CA10: variants seen among roughly 807,000 people sequenced by gnomAD.
CA10 encodes the protein carbonic anhydrase 10 (inactive).
A neutral mutation model predicts 44.2 loss-of-function variants in CA10; 14 were observed. The observed-to-expected ratio is 0.32, with a 90% CI of 0.21 to 0.50. CA10 has a LOEUF of 0.50. Ranked by LOEUF, CA10 falls within the 20% of genes least tolerant of loss-of-function variation. The pLI is 0.99. For synonymous variants in CA10, 159 were observed against 141.6 expected (o/e 1.12, Z -0.87); for missense variants, 350 against 409.7 (o/e 0.85, Z 1.26).
chr17:51,782,657 A>C (rs1906108779), intron 3 of CA10, among the ~76,000 whole-genome samples: 1 of 152,214 alleles, frequency 6.6e-6, no homozygotes, highest in South Asian at 2.1e-4. Context: ...CTTGACCAAG[A>C]GGGATGCTGT....
At chr17:52,018,018 T>C (rs1220036671) in intron 2 of CA10, among the ~76,000 whole-genome samples, 3 of 152,126 alleles carry the variant, frequency 2.0e-5, no homozygotes, top group Non-Finnish European at 4.4e-5. Context: ...TTCCACATAG[T>C]GCAAAGCCTT....
At chr17:51,801,537 T>C (rs1331972267) in intron 3 of CA10, among the ~76,000 whole-genome samples, 1 of 152,062 alleles carries the variant, frequency 6.6e-6, no homozygotes, top group South Asian at 2.1e-4. Context: ...TACGTGAATC[T>C]TATATGGGCT....
At chr17:51,772,163 G>A (rs903072897) in intron 3 of CA10, among the ~76,000 whole-genome samples, 14 of 152,188 alleles carry the variant, frequency 9.2e-5, no homozygotes, top group African/African-American at 3.4e-4. Flanking sequence ...AGTGGCTACT[G>A]TTTTGTTGTG....
intron 3 of CA10, among the ~76,000 whole-genome samples, chr17:51,863,324 T>G (rs1397254326): frequency 1.3e-5 from 2 of 152,204 alleles, no homozygotes; most frequent in Non-Finnish European, 2.9e-5. Flanking sequence ...TAATTAGTAG[T>G]TATGCTTAAA....
chr17:51,722,619 C>T (rs185989922), intron 4 of CA10, among the ~76,000 whole-genome samples: 1 of 152,328 alleles, frequency 6.6e-6, no homozygotes, highest in East Asian at 1.9e-4. Context: ...AACAGTGTGC[C>T]ATGGACTTTC....
intron 1 of CA10, among the ~76,000 whole-genome samples, chr17:52,084,414 T>C (rs1413212949): frequency 6.6e-6 from 1 of 151,466 alleles, no homozygotes; most frequent in Non-Finnish European, 1.5e-5. Flanking sequence ...CACATACTTA[T>C]AAGTGGTAGA....
intron 4 of CA10, among the ~76,000 whole-genome samples, chr17:51,725,490 A>C (rs1360874991): frequency 6.6e-6 from 1 of 152,172 alleles, no homozygotes; most frequent in African/African-American, 2.4e-5. Context: ...CTTTCCCAGT[A>C]ACCCTCTCTG....
At chr17:51,837,265 G>A (rs914292825) in intron 3 of CA10, among the ~76,000 whole-genome samples, 6 of 152,184 alleles carry the variant, frequency 3.9e-5, no homozygotes, top group African/African-American at 9.6e-5. Flanking sequence ...TTGCAAGTCC[G>A]GTGTCCAGAA....
At chr17:52,065,421 T>C (rs999675620) in intron 2 of CA10, among the ~76,000 whole-genome samples, 4 of 152,196 alleles carry the variant, frequency 2.6e-5, no homozygotes, top group Non-Finnish European at 4.4e-5. Context: ...AATATTGCTG[T>C]CTATTCTGAC....
chr17:51,979,634 G>A (rs897965658), intron 2 of CA10, among the ~76,000 whole-genome samples: 1 of 152,062 alleles, frequency 6.6e-6, no homozygotes, highest in East Asian at 1.9e-4. Flanking sequence ...TCTCACGAAC[G>A]TCTCAATAAA....
chr17:51,978,629 T>C (rs933569076), intron 2 of CA10, among the ~76,000 whole-genome samples: 2 of 152,030 alleles, frequency 1.3e-5, no homozygotes, highest in Admixed American at 1.3e-4. Context: ...AGGTAGGCAA[T>C]AATATCTGAG....
At chr17:51,847,001 T>C (rs570540628) in intron 3 of CA10, among the ~76,000 whole-genome samples, 2 of 152,314 alleles carry the variant, frequency 1.3e-5, no homozygotes, top group South Asian at 4.1e-4. Context: ...CAGATCAGTA[T>C]GATGTGGAAT....
intron 4 of CA10, among the ~76,000 whole-genome samples, chr17:51,731,829 C>G (rs1400619211): frequency 6.6e-6 from 1 of 152,010 alleles, no homozygotes; most frequent in Non-Finnish European, 1.5e-5. Flanking sequence ...AGACACCCAC[C>G]ACCACACCGG....
At chr17:51,751,576 A>T (rs1413606251) in intron 3 of CA10, among the ~76,000 whole-genome samples, 1 of 152,110 alleles carries the variant, frequency 6.6e-6, no homozygotes, top group Admixed American at 6.5e-5. Context: ...GGTGATATTG[A>T]AGGATTCTCG....
intron 2 of CA10, among the ~76,000 whole-genome samples, chr17:52,007,478 AT>A (rs1555557054): frequency 6.6e-6 from 1 of 151,520 alleles, no homozygotes; most frequent in Non-Finnish European, 1.5e-5. Context: ...TCCTACTTCT[AT>A]TGAAGTGATT....
At chr17:51,710,859 C>A (rs74550834) in intron 4 of CA10, among the ~76,000 whole-genome samples, 7,358 of 148,150 alleles carry the variant, frequency 0.05, 301 homozygotes, top group African/African-American at 0.089. Flanking sequence ...TCCTGAAGTT[C>A]ATGCAATCAT....
chr17:51,940,544 T>A (rs1201118152), intron 2 of CA10, among the ~76,000 whole-genome samples: 1 of 152,046 alleles, frequency 6.6e-6, no homozygotes, highest in African/African-American at 2.4e-5. Flanking sequence ...TGTCTGCCCC[T>A]TTCCTCAAAA....
chr17:51,948,065 G>A (rs1983351112), intron 2 of CA10, among the ~76,000 whole-genome samples: 1 of 152,060 alleles, frequency 6.6e-6, no homozygotes, highest in South Asian at 2.1e-4. Flanking sequence ...TATCCTTTAG[G>A]ACTTCAAGTA....
intron 4 of CA10, among the ~76,000 whole-genome samples, chr17:51,734,185 G>C: frequency 6.9e-6 from 1 of 145,960 alleles, no homozygotes; most frequent in African/African-American, 2.5e-5. Flanking sequence ...GGTTGGGGGG[G>C]GGGGGTTCCA....
Sources: allele counts gnomAD v4.1 joint callset (sites outside exome capture counted in the v4.1 genomes callset), GRCh38; gene constraint gnomAD v4.1.1; transcripts MANE v1.5; gene names NCBI Gene and HGNC (gene_info 2026-07-23, HGNC 2026-07-21).